Variants in ASB2 observed in about 807,000 individuals in gnomAD.
ASB2 encodes the protein ankyrin repeat and SOCS box protein 2.
In ASB2, 58 loss-of-function variants were observed where a neutral mutation model predicts 62.4. That is an observed-to-expected ratio of 0.93 (90% CI 0.75 to 1.16). The LOEUF (loss-of-function observed/expected upper bound fraction) is 1.16. Ranked by LOEUF, ASB2 falls within the 50% of genes most tolerant of loss-of-function variation. The pLI, the probability that ASB2 is intolerant of heterozygous loss-of-function variation, is 0.00. For missense variants in ASB2, 928 were observed against 887.9 expected, an observed-to-expected ratio of 1.05 and a Z score of -0.57; for synonymous variants, 386 against 385.3, an observed-to-expected ratio of 1.00 and a Z score of -0.02.
At chr14:93,975,586 G>A (rs1049101848) in intron 1 of ASB2, among the ~76,000 whole-genome samples, 1 of 152,190 alleles carries the variant, frequency 6.6e-6, no homozygotes, top group Non-Finnish European at 1.5e-5. Context: ...CTCTCAGAAA[G>A]TGTTCCAACT....
chr14:93,953,828 C>T (rs143691714), intron 4 of ASB2, among the ~76,000 whole-genome samples: 111 of 152,262 alleles, frequency 7.3e-4, no homozygotes, highest in African/African-American at 2.5e-3. Flanking sequence ...CTTGGAGTGT[C>T]GGGGGCCGTG....
intron 3 of ASB2, 119 bp from the exon 4 acceptor site, chr14:93,954,602 T>C (rs2141297768): frequency 2.3e-6 from 2 of 885,284 alleles, no homozygotes; most frequent in East Asian, 4.9e-5. Context: ...GGTTCCAGGA[T>C]GAGCACTCAG....
rs1417860489 is a variant in ASB2 at position 93,964,382 on chromosome 14, GC to G, written c.157del (p.Ala53ArgfsTer57). On this transcript the variant is annotated frameshift_variant, in exon 2 of 10. Transcript: ENST00000555019. LOFTEE classifies it high-confidence loss of function. ...AGGTTGGCGGTTGGTACATGCAGAC[GC>G]GGTGGCCTCAGCAGTGGTTGGGCCC... ...TRGPTTAEATASACTNRQPAH... is the reference protein window; with the variant it reads ...TRGPTTAEATXSACTNRQPAH... 1.3e-6 allele frequency: 2 copies of G among 1,536,152 alleles called. No individual in the cohort carries two copies. Among genetic ancestry groups the G allele is most frequent in the East Asian group, 4.9e-5 (2 of 40,918 alleles).
At chr14:93,960,034 G>A (rs759097987) in intron 2 of ASB2, among the ~76,000 whole-genome samples, 19 of 151,984 alleles carry the variant, frequency 1.3e-4, no homozygotes, top group African/African-American at 2.4e-5. Context: ...CCACTGTGCC[G>A]TGAGACACAT....
intron 6 of ASB2, 98 bp from the exon 7 acceptor site, chr14:93,947,618 G>C (rs760306203): frequency 1.6e-6 from 2 of 1,216,718 alleles, no homozygotes; most frequent in African/African-American, 1.5e-5. Flanking sequence ...TGCTAACCAC[G>C]GTAATGCACG....
At chr14:93,950,905 G>T in intron 6 of ASB2, 94 bp downstream of exon 6, 3 of 1,371,810 alleles carry the variant, frequency 2.2e-6, no homozygotes, top group South Asian at 1.4e-5. Context: ...CGCACAAGAT[G>T]ACCCCTAACT....
intron 7 of ASB2, 122 bp from the exon 8 acceptor site, chr14:93,939,794 G>T: frequency 1.3e-6 from 1 of 773,454 alleles, no homozygotes; most frequent in Non-Finnish European, 1.9e-6. Flanking sequence ...CGCGGGCTGC[G>T]ACGCGGATCC....
At chr14:93,956,149 G>A (rs145226537) in intron 3 of ASB2, among the ~76,000 whole-genome samples, 1 of 152,288 alleles carries the variant, frequency 6.6e-6, no homozygotes, top group East Asian at 1.9e-4. Context: ...TATTCCAGGG[G>A]TACAGAGAGG....
chr14:93,948,704 G>A (rs1338144683), intron 6 of ASB2, among the ~76,000 whole-genome samples: 3 of 151,404 alleles, frequency 2.0e-5, no homozygotes, highest in Middle Eastern at 3.4e-3. Flanking sequence ...AGGCCAAGGC[G>A]GGCAGATCAC....
chr14:93,966,725 C>T (rs528127676), intron 1 of ASB2, among the ~76,000 whole-genome samples: 8 of 152,288 alleles, frequency 5.3e-5, no homozygotes, highest in Admixed American at 1.3e-4. Context: ...ATCATCTTAA[C>T]GAATGTCTCT....
intron 1 of ASB2, among the ~76,000 whole-genome samples, chr14:93,969,028 G>A (rs1889677515): frequency 6.6e-6 from 1 of 152,206 alleles, no homozygotes. Flanking sequence ...CAGCCTTCAA[G>A]GGTTCTTGGG....
At chr14:93,973,489 C>T (rs1313003297) in intron 1 of ASB2, among the ~76,000 whole-genome samples, 1 of 152,158 alleles carries the variant, frequency 6.6e-6, no homozygotes, top group African/African-American at 2.4e-5. Flanking sequence ...TGCCCTGTTG[C>T]AATGATGAGC....
intron 9 of ASB2, among the ~76,000 whole-genome samples, chr14:93,935,330 G>C (rs945568624): frequency 6.6e-6 from 1 of 152,216 alleles, no homozygotes; most frequent in African/African-American, 2.4e-5. Flanking sequence ...GCCACGTAGT[G>C]GAGTTTTCTG....
chr14:93,952,852 A>C (rs1889021599), intron 5 of ASB2, among the ~76,000 whole-genome samples: 2 of 152,264 alleles, frequency 1.3e-5, no homozygotes, highest in South Asian at 4.1e-4. Flanking sequence ...GGCAGCCAAC[A>C]AATGTCCATG....
intron 1 of ASB2, among the ~76,000 whole-genome samples, chr14:93,971,370 G>A (rs1378644051): frequency 6.6e-6 from 1 of 152,180 alleles, no homozygotes; most frequent in East Asian, 1.9e-4. Context: ...GAACCCTCCT[G>A]TCCCCCTGCC....
rs1294977672 is a variant in ASB2, at chr14:93,951,134, T to C, written c.745A>G (p.Asn249Asp). 2 of 1,614,200 alleles carry C rather than the reference T, an allele frequency of 1.2e-6. No homozygotes were observed. Among genetic ancestry groups the C allele is most frequent in the Admixed American group, 3.3e-5 (2 of 60,034 alleles). Reference protein sequence around the residue: ...WTALHESVSRNDLEVMQILVS... With the variant: ...WTALHESVSRDDLEVMQILVS... ...AGGATCTGCATGACCTCCAGGTCAT[T>C]GCGAGACACAGACTCGTGCAGAGCG... Residue 249 changes from asparagine to aspartate, a missense_variant, in exon 6 of 10, where the codon AAT becomes GAT. Physicochemically the swap from Asn to Asp is conservative, Grantham distance 23 (BLOSUM62 1). Coordinates refer to ENST00000555019, the MANE Select transcript of ASB2 (RefSeq NM_001202429.2).
At chr14:93,965,956 A>G (rs182542138) in intron 1 of ASB2, among the ~76,000 whole-genome samples, 120 of 152,268 alleles carry the variant, frequency 7.9e-4, no homozygotes, top group African/African-American at 2.6e-3. Context: ...CCTGAGCCCA[A>G]CCTCCTCAGA....
intron 2 of ASB2, among the ~76,000 whole-genome samples, chr14:93,960,074 C>T (rs1167055577): frequency 6.6e-6 from 1 of 152,166 alleles, no homozygotes; most frequent in Non-Finnish European, 1.5e-5. Flanking sequence ...TTATAACAGG[C>T]ACATTGCACC....
intron 1 of ASB2, among the ~76,000 whole-genome samples, chr14:93,972,462 C>A (rs185497303): frequency 3.2e-4 from 48 of 152,268 alleles, no homozygotes; most frequent in Middle Eastern, 6.8e-3. Context: ...ATCCAGGCCA[C>A]TTTCATAGGT....
Sources: allele counts gnomAD v4.1 joint callset (sites outside exome capture counted in the v4.1 genomes callset), GRCh38; gene constraint gnomAD v4.1.1; transcripts MANE v1.5; gene names NCBI Gene and HGNC (gene_info 2026-07-23, HGNC 2026-07-21).